Variants in FTO observed in about 807,000 individuals in gnomAD.
The protein encoded by FTO is FTO alpha-ketoglutarate dependent dioxygenase.
In FTO, 47 loss-of-function variants were observed where a neutral mutation model predicts 63.9. That is an observed-to-expected ratio of 0.74 (90% CI 0.58 to 0.94). The LOEUF (loss-of-function observed/expected upper bound fraction) is 0.94. Among genes scored for constraint, FTO ranks in the 40% least tolerant of loss-of-function variants. FTO has a pLI of 0.00. For missense variants in FTO, 562 were observed against 618.1 expected (o/e 0.91, Z 0.96); for synonymous variants, 207 against 224.4 (o/e 0.92, Z 0.69).
chr16:53,767,864 A>G (rs552203266), intron 1 of FTO, among the ~76,000 whole-genome samples: 28 of 152,338 alleles, frequency 1.8e-4, no homozygotes, highest in African/African-American at 6.3e-4. Flanking sequence ...CATATAAAAC[A>G]TTTTGACTTT....
At chr16:53,973,720 A>G (rs1390058423) in intron 8 of FTO, among the ~76,000 whole-genome samples, 2 of 152,146 alleles carry the variant, frequency 1.3e-5, no homozygotes, top group Non-Finnish European at 1.5e-5. Context: ...AAAAGAAAGG[A>G]AGAGGGAGAC....
At chr16:53,792,075 C>CAAAAAAAAAAAAAAAAAATAAAAAA (rs2077934548) in intron 1 of FTO, among the ~76,000 whole-genome samples, 1 of 138,596 alleles carries the variant, frequency 7.2e-6, no homozygotes, top group Non-Finnish European at 1.6e-5. Context: ...GACTTCGTCT[C>CAAAAAAAAAAAAAAAAAATAAAAAA]AAAAAAAAAA....
At position 54,069,695 on chromosome 16, in the gene FTO, A is replaced by G. The variant is rs542972153; in HGVS notation, c.1365-42067A>G. Among the ~76,000 whole-genome samples, 3 of 152,260 alleles carry G rather than the reference A, an allele frequency of 2.0e-5. No homozygotes were observed. In the South Asian group the frequency reaches 6.2e-4, roughly 32 times the overall value. On this transcript the variant is annotated intron_variant, in intron 8 of 8. Coordinates refer to ENST00000471389, the MANE Select transcript of FTO (RefSeq NM_001080432.3). Reference sequence around the variant, plus strand: ...ATTAGTTGGATTGGAGCTCCAGAAGATCCCTGTCCACCAAAGTGAATGCAT... The same window carrying G: ...ATTAGTTGGATTGGAGCTCCAGAAGGTCCCTGTCCACCAAAGTGAATGCAT...
intron 1 of FTO, among the ~76,000 whole-genome samples, chr16:53,784,613 G>A (rs905735778): frequency 6.6e-6 from 1 of 152,128 alleles, no homozygotes; most frequent in Non-Finnish European, 1.5e-5. Flanking sequence ...AAGAGACTAA[G>A]TTTAAGTGAT....
chr16:53,778,064 A>G (rs1299036042), intron 1 of FTO, among the ~76,000 whole-genome samples: 2 of 152,178 alleles, frequency 1.3e-5, no homozygotes, highest in Non-Finnish European at 2.9e-5. Context: ...AAAGCTCAAG[A>G]TTTAATAGAA....
At chr16:54,011,820 C>A (rs1388844588) in intron 8 of FTO, among the ~76,000 whole-genome samples, 1 of 152,150 alleles carries the variant, frequency 6.6e-6, no homozygotes, top group Non-Finnish European at 1.5e-5. Context: ...TTTTGGGGCA[C>A]AATGACCCTC....
chr16:54,067,232 A>G (rs2085755193), intron 8 of FTO, among the ~76,000 whole-genome samples: 1 of 151,240 alleles, frequency 6.6e-6, no homozygotes, highest in Non-Finnish European at 1.5e-5. Flanking sequence ...TTTGCTTTTT[A>G]TAGTCTTATC....
chr16:54,086,508 A>G (rs1217174138), intron 8 of FTO, among the ~76,000 whole-genome samples: 1 of 152,128 alleles, frequency 6.6e-6, no homozygotes, highest in Non-Finnish European at 1.5e-5. Context: ...CTAATGATCA[A>G]CTCTATTACA....
chr16:53,951,374 A>G (rs1438814876), intron 8 of FTO, among the ~76,000 whole-genome samples: 1 of 152,222 alleles, frequency 6.6e-6, no homozygotes, highest in Non-Finnish European at 1.5e-5. Flanking sequence ...ATCCATGTTC[A>G]GTCCCTTAAC....
intron 8 of FTO, among the ~76,000 whole-genome samples, chr16:53,954,622 A>C (rs2143562311): frequency 6.6e-6 from 1 of 152,222 alleles, no homozygotes; most frequent in South Asian, 2.1e-4. Flanking sequence ...GTGTGGCTGC[A>C]GGGTAGAGAG....
intron 1 of FTO, among the ~76,000 whole-genome samples, chr16:53,711,991 C>A (rs944955184): frequency 2.0e-5 from 3 of 152,036 alleles, no homozygotes; most frequent in African/African-American, 7.3e-5. Flanking sequence ...TTTGTGAGGC[C>A]AAGGTGGAGG....
chr16:53,961,341 TAGC>T (rs1364488917), intron 8 of FTO, among the ~76,000 whole-genome samples: 3 of 152,184 alleles, frequency 2.0e-5, no homozygotes, highest in Non-Finnish European at 4.4e-5. Flanking sequence ...TTAAAGCTAG[TAGC>T]AGCATGTCTC....
intron 1 of FTO, among the ~76,000 whole-genome samples, chr16:53,723,989 A>T (rs1004832761): frequency 1.2e-4 from 19 of 152,206 alleles, no homozygotes; most frequent in African/African-American, 4.6e-4. Flanking sequence ...ATACATTCAG[A>T]TGAAAGATGT....
At chr16:54,081,509 G>T (rs1171038579) in intron 8 of FTO, among the ~76,000 whole-genome samples, 1 of 152,148 alleles carries the variant, frequency 6.6e-6, no homozygotes, top group African/African-American at 2.4e-5. Context: ...TTCCACTTAT[G>T]CACAGTGTAT....
chr16:53,903,347 C>T (rs2081452173), intron 7 of FTO, among the ~76,000 whole-genome samples: 1 of 151,860 alleles, frequency 6.6e-6, no homozygotes. Flanking sequence ...CAACCTTTGC[C>T]TCCTGGGTCC....
At chr16:53,793,852 C>T (rs1476255062) in intron 1 of FTO, among the ~76,000 whole-genome samples, 1 of 152,052 alleles carries the variant, frequency 6.6e-6, no homozygotes, top group African/African-American at 2.4e-5. Context: ...TCTTTATATG[C>T]AAATAAAGTA....
At chr16:54,091,686 G>A (rs983808797) in intron 8 of FTO, among the ~76,000 whole-genome samples, 5 of 152,248 alleles carry the variant, frequency 3.3e-5, no homozygotes, top group Non-Finnish European at 5.9e-5. Flanking sequence ...GTCATTGGAT[G>A]TAAACCTGTG....
chr16:53,748,942 T>A (rs2076713835), intron 1 of FTO, among the ~76,000 whole-genome samples: 1 of 148,602 alleles, frequency 6.7e-6, no homozygotes, highest in Admixed American at 6.7e-5. Flanking sequence ...TTTTTTGTAT[T>A]TTTAGTAGAG....
chr16:53,820,944 TGA>T (rs2078849991), intron 2 of FTO, among the ~76,000 whole-genome samples: 1 of 152,154 alleles, frequency 6.6e-6, no homozygotes, highest in Non-Finnish European at 1.5e-5. Flanking sequence ...GGACATGATC[TGA>T]GTGGGAAAAA....
Sources: gnomAD v4.1 joint callset for allele counts (sites outside exome capture counted in the v4.1 genomes callset) on GRCh38, gnomAD v4.1.1 for gene constraint, MANE v1.5 for transcripts, NCBI Gene and HGNC (gene_info 2026-07-23, HGNC 2026-07-21) for gene names.